FAM149A: variants seen among roughly 807,000 people sequenced by gnomAD.
FAM149A encodes the protein family with sequence similarity 149 member A.
Under a neutral mutation model 78.2 loss-of-function variants are expected in FAM149A, and 71 were observed. The observed-to-expected ratio is 0.91, with a 90% CI of 0.75 to 1.11. FAM149A has a LOEUF of 1.11. Among genes scored for constraint, FAM149A ranks in the 50% least tolerant of loss-of-function variants. The probability of loss-of-function intolerance (pLI) is 0.00; values close to 1 mark genes in which losing one functional copy is unlikely to be tolerated. For synonymous variants in FAM149A, 446 were observed against 410.5 expected, an observed-to-expected ratio of 1.09 and a Z score of -1.04; for missense variants, 1,036 against 971.0, an observed-to-expected ratio of 1.07 and a Z score of -0.89.
At chr4:186,145,066 C>T in intron 1 of FAM149A, 4 of 983,782 alleles carry the variant, frequency 4.1e-6, no homozygotes, top group Non-Finnish European at 4.8e-6. Flanking sequence ...TAGCGCGGAG[C>T]CTGGCGCGGG....
rs2099308373 is a variant in FAM149A, at chr4:186,105,473, C to G, written c.397C>G (p.Pro133Ala). Residue 133 changes from proline (P) to alanine (A), a missense_variant, in exon 1 of 14, where the codon CCC (proline) becomes GCC (alanine). Pro to Ala is a conservative substitution (Grantham distance 27, BLOSUM62 -1). This residue lies in a region of FAM149A where 316 missense variants were observed against 241.9 expected (regional missense o/e 1.31). Coordinates refer to ENST00000389354, the MANE Select transcript of FAM149A (RefSeq NM_001367768.3). ...GGTCCCAGCGCGGCCGCCCTCGGGC[C>G]CCGGCGGGGTCTGGGCCGCGCTCCC... is the stretch of plus-strand genomic sequence containing the variant. The G allele has an allele frequency of 8.2e-7, 1 of 1,213,472 alleles. No homozygotes were observed. The allele number at this position is 1,213,472 out of a possible 1,614,324, so 75.2% of individuals were successfully genotyped here.
chr4:186,126,697 A>T (rs2099318478), intron 1 of FAM149A, among the ~76,000 whole-genome samples: 1 of 152,118 alleles, frequency 6.6e-6, no homozygotes, highest in African/African-American at 2.4e-5. Context: ...CCTGGTTCTC[A>T]GATCTTCACA....
chr4:186,154,430 C>T, intron 5 of FAM149A, 38 bp from the exon 6 acceptor site: 1 of 1,556,894 alleles, frequency 6.4e-7, no homozygotes, highest in Non-Finnish European at 8.8e-7. Flanking sequence ...TCTTGGTGTT[C>T]TATAAACTCC....
chr4:186,127,387 G>A (rs2099318780), intron 1 of FAM149A: 4 of 985,258 alleles, frequency 4.1e-6, no homozygotes, highest in Non-Finnish European at 3.6e-6. Flanking sequence ...TTGAAACAAG[G>A]GGATGCTTTT....
intron 6 of FAM149A, 143 bp downstream of exon 6, chr4:186,154,781 C>A: frequency 7.1e-7 from 1 of 1,413,576 alleles, no homozygotes; most frequent in East Asian, 2.6e-5. Flanking sequence ...AATGTACTCC[C>A]CAGAGCTTTT....
chr4:186,153,495 A>C (rs1159548146), intron 4 of FAM149A, 150 bp from the exon 5 acceptor site: 7 of 1,467,474 alleles, frequency 4.8e-6, no homozygotes, highest in African/African-American at 1.4e-5. Flanking sequence ...TCTCAAAGTC[A>C]CACTTCTGTG....
intron 1 of FAM149A, among the ~76,000 whole-genome samples, chr4:186,147,889 G>A (rs1733181444): frequency 1.3e-5 from 2 of 151,996 alleles, no homozygotes; most frequent in South Asian, 4.1e-4. Flanking sequence ...TATCCTCAGA[G>A]TTACCTGGTT....
rs988662021 is a variant in FAM149A at position 186,142,343 on chromosome 4, C to G, written c.567-6830C>G. On this transcript the variant is annotated intron_variant, in intron 1 of 13. Transcript: ENST00000389354. ...TTCAGATGTAAAGGAAATACCCAAG[C>G]AGAAGCCTCATCTGTACGCGGACAT... is the stretch of plus-strand genomic sequence containing the variant. Among the ~76,000 whole-genome samples the G allele has an allele frequency of 4.6e-5, 7 of 152,256 alleles. No homozygotes were observed. The East Asian group carries it at 7.7e-4, about 17-fold the overall frequency.
At chr4:186,128,564 A>C (rs1001341963) in intron 1 of FAM149A, among the ~76,000 whole-genome samples, 1 of 152,056 alleles carries the variant, frequency 6.6e-6, no homozygotes, top group African/African-American at 2.4e-5. Flanking sequence ...CATGTCTTAT[A>C]TGTATTTTTG....
chr4:186,170,663 C>T (rs1244988213), intron 13 of FAM149A, among the ~76,000 whole-genome samples: 1 of 152,216 alleles, frequency 6.6e-6, no homozygotes, highest in African/African-American at 2.4e-5. Context: ...AGGTGGTGTG[C>T]AGGGGTCCCT....
chr4:186,145,084 A>C (rs555427925), intron 1 of FAM149A: 1 of 985,224 alleles, frequency 1.0e-6, no homozygotes, highest in South Asian at 4.7e-5. Context: ...GGGGGCTGCG[A>C]GCACAGGCCC....
chr4:186,154,040 C>T (rs10011861), intron 5 of FAM149A, among the ~76,000 whole-genome samples: 1,771 of 152,224 alleles, frequency 0.012, 41 homozygotes, highest in African/African-American at 0.041. Context: ...GTTCCAAAGG[C>T]GCTGTGAAAG....
chr4:186,141,770 A>G (rs1168361696), intron 1 of FAM149A, among the ~76,000 whole-genome samples: 2 of 152,214 alleles, frequency 1.3e-5, no homozygotes, highest in African/African-American at 4.8e-5. Context: ...AAGACGTCAG[A>G]TTTAGGGGTG....
At position 186,144,786 on chromosome 4, in the gene FAM149A, C is replaced by G. The variant is rs1341095277; in HGVS notation, c.567-4387C>G. ...GGCGGGCGCAGCCGGGATTAGCTGG[C>G]GGGCGAGGGCGCAGCGCAGGGAGGA... On this transcript the variant is annotated intron_variant, in intron 1 of 13. Transcript: ENST00000389354. The surrounding 1 kb of genome is among the most constrained non-coding windows in gnomAD (Gnocchi z 4.2). 1.0e-6 allele frequency: 1 copy of G among 976,456 alleles called. No homozygotes were observed. The highest frequency in any genetic ancestry group is 1.8e-5 in the African/African-American group (1 of 56,536). The allele number at this position is 976,456 out of a possible 1,614,324, so 60.5% of individuals were successfully genotyped here.
intron 8 of FAM149A, among the ~76,000 whole-genome samples, chr4:186,160,138 T>C (rs1283828633): frequency 1.3e-4 from 11 of 85,018 alleles, no homozygotes; most frequent in East Asian, 4.8e-4. Flanking sequence ...ACCAAACACA[T>C]ACCACATACA....
chr4:186,154,486 T>C lies in FAM149A; in HGVS notation c.1077T>C (p.Ser359=), dbSNP rs754950524. The C allele has an allele frequency of 8.1e-6, 13 of 1,610,752 alleles. No individual in the cohort carries two copies. Among genetic ancestry groups the C allele is most frequent in the African/African-American group, 2.7e-5 (2 of 74,816 alleles). ...CCCATAGGTTGTGCATTTCTGGCTC[T>C]CAAATAGTCCCAGCAGCACTCTCAG... The change falls in exon 6 of 14, where the codon TCT becomes TCC. Residue 359 remains serine (S), a synonymous_variant. Transcript: ENST00000389354.
At chr4:186,116,900 C>T (rs555067261) in intron 1 of FAM149A, 34 of 275,488 alleles carry the variant, frequency 1.2e-4, no homozygotes, top group South Asian at 4.2e-4. Context: ...TTCAGCATTG[C>T]GTAATCATAA....
chr4:186,110,055 T>C lies in FAM149A; in HGVS notation c.566+4413T>C, dbSNP rs886251134. On this transcript the variant is annotated intron_variant, in intron 1 of 13. Coordinates refer to ENST00000389354, the MANE Select transcript of FAM149A (RefSeq NM_001367768.3). ...TGTCTTTTCCTCCACTGAAACCCTG[T>C]GATTTATATTCACATCTTATGTCCA... The C allele has an allele frequency of 1.7e-5, 17 of 985,342 alleles. No individual in the cohort carries two copies. In the African/African-American group the frequency reaches 1.7e-4, roughly 10 times the overall value. The allele number at this position is 985,342 out of a possible 1,614,324, so 61.0% of individuals were successfully genotyped here.
intron 1 of FAM149A, among the ~76,000 whole-genome samples, chr4:186,137,530 T>C (rs934110369): frequency 9.2e-5 from 14 of 152,080 alleles, no homozygotes; most frequent in African/African-American, 3.4e-4. Context: ...GGAATGAAAA[T>C]TCGGCAAATC....
Sources: gnomAD v4.1 joint callset for allele counts (sites outside exome capture counted in the v4.1 genomes callset) on GRCh38, gnomAD v4.1.1 for gene constraint, gnomAD v4.1.1 regional missense constraint, Gnocchi (gnomAD v3.1) non-coding constraint, MANE v1.5 for transcripts, NCBI Gene and HGNC (gene_info 2026-07-23, HGNC 2026-07-21) for gene names.